PRKAG2: variants seen among roughly 807,000 people sequenced by gnomAD.
The protein encoded by PRKAG2 is protein kinase AMP-activated non-catalytic subunit gamma 2.
A neutral mutation model predicts 69.6 loss-of-function variants in PRKAG2; 26 were observed. The observed-to-expected ratio is 0.37, with a 90% CI of 0.27 to 0.52. The LOEUF is 0.52. Among genes scored for constraint, PRKAG2 ranks in the 20% least tolerant of loss-of-function variants. PRKAG2 has a pLI of 0.90. For missense variants in PRKAG2, 557 were observed against 740.0 expected, an observed-to-expected ratio of 0.75 and a Z score of 2.87; for synonymous variants, 293 against 285.0, an observed-to-expected ratio of 1.03 and a Z score of -0.28.
intron 1 of PRKAG2, among the ~76,000 whole-genome samples, chr7:151,842,613 AGGTAGTGATGATGGTAGCGAT>A (rs2079333687): frequency 8.1e-6 from 1 of 124,094 alleles, no homozygotes; most frequent in Admixed American, 8.1e-5. Context: ...TAGTGATGGT[AGGTAGTGATGATGGTAGCGAT>A]GGTAGGGATG....
Position 151,777,244 on chromosome 7 carries a change from A to G in PRKAG2, c.466+3908T>C, listed in dbSNP as rs1170691574. On this transcript the variant is annotated intron_variant, in intron 3 of 15. Transcript: ENST00000287878. The surrounding 1 kb of genome is among the most constrained non-coding windows in gnomAD (Gnocchi z 4.3). ...ACCCCATGTGGACACCAGCAGAGTCATCCCCAGGCCTGTGCCTGCGTTCCC... is the reference window on the plus strand; with the variant it reads ...ACCCCATGTGGACACCAGCAGAGTCGTCCCCAGGCCTGTGCCTGCGTTCCC... Among the ~76,000 whole-genome samples the G allele has an allele frequency of 1.3e-5, 2 of 152,214 alleles. No homozygotes were observed. Among genetic ancestry groups the G allele is most frequent in the Non-Finnish European group, 2.9e-5 (2 of 68,038 alleles).
chr7:151,620,031 A>C (rs1278380540), intron 5 of PRKAG2, among the ~76,000 whole-genome samples: 1 of 152,024 alleles, frequency 6.6e-6, no homozygotes, highest in Non-Finnish European at 1.5e-5. Flanking sequence ...AAAAATAAAA[A>C]ATAAAAATAA....
chr7:151,833,064 G>A (rs79464303), intron 1 of PRKAG2, among the ~76,000 whole-genome samples: 2,707 of 152,338 alleles, frequency 0.018, 100 homozygotes, highest in African/African-American at 0.061. Flanking sequence ...GACAGACAGC[G>A]TCCATCACGA....
At chr7:151,710,458 A>T (rs1484538202) in intron 3 of PRKAG2, among the ~76,000 whole-genome samples, 1 of 151,976 alleles carries the variant, frequency 6.6e-6, no homozygotes, top group Non-Finnish European at 1.5e-5. Context: ...GGAAGAGAAG[A>T]CCCCGTCACT....
intron 3 of PRKAG2, among the ~76,000 whole-genome samples, chr7:151,759,359 T>C (rs1366154671): frequency 1.3e-5 from 2 of 152,212 alleles, no homozygotes; most frequent in Non-Finnish European, 2.9e-5. Flanking sequence ...TTGACTGTTG[T>C]TCCTCTTGGC....
At chr7:151,668,592 G>A (rs189049410) in intron 4 of PRKAG2, among the ~76,000 whole-genome samples, 3 of 152,310 alleles carry the variant, frequency 2.0e-5, no homozygotes, top group African/African-American at 4.8e-5. Context: ...CTCAGCTGGA[G>A]GTGCATCTCC....
chr7:151,679,902 T>TAA (rs111375601), intron 3 of PRKAG2, among the ~76,000 whole-genome samples: 83 of 146,430 alleles, frequency 5.7e-4, no homozygotes, highest in East Asian at 1.6e-3. Flanking sequence ...CTGTCTCTAT[T>TAA]AAAAAAAAAA....
At chr7:151,682,877 A>G (rs1032973002) in intron 3 of PRKAG2, among the ~76,000 whole-genome samples, 1 of 152,158 alleles carries the variant, frequency 6.6e-6, no homozygotes, top group Non-Finnish European at 1.5e-5. Flanking sequence ...CCGATCCTGG[A>G]GGAGGACACA....
intron 3 of PRKAG2, among the ~76,000 whole-genome samples, chr7:151,714,940 A>G (rs1320670512): frequency 6.6e-6 from 1 of 150,952 alleles, no homozygotes; most frequent in Non-Finnish European, 1.5e-5. Flanking sequence ...ACAGAGCGAG[A>G]CTCCATCTCA....
chr7:151,673,414 G>GCGGTTTTC (rs1832383714), intron 4 of PRKAG2, among the ~76,000 whole-genome samples: 2 of 152,058 alleles, frequency 1.3e-5, no homozygotes, highest in South Asian at 4.2e-4. Flanking sequence ...TATCAGACCA[G>GCGGTTTTC]CGGTTTTCCG....
At chr7:151,575,172 G>T (rs982370813) in intron 7 of PRKAG2, among the ~76,000 whole-genome samples, 2 of 152,068 alleles carry the variant, frequency 1.3e-5, no homozygotes, top group Non-Finnish European at 2.9e-5. Context: ...TAAGTACTAC[G>T]GAACTAACCA....
chr7:151,698,512 G>A (rs150704128), intron 3 of PRKAG2, among the ~76,000 whole-genome samples: 3 of 152,128 alleles, frequency 2.0e-5, no homozygotes, highest in African/African-American at 4.8e-5. Flanking sequence ...ATGAGTTCTC[G>A]CTCTATGAGT....
In PRKAG2 at chr7:151,614,367, T is replaced by C. The variant is rs143843551; in HGVS notation, c.754+17702A>G. On this transcript the variant is annotated intron_variant, in intron 5 of 15. Transcript: ENST00000287878. This position sits in a 1 kb window ranked among gnomAD's most constrained non-coding sequence, Gnocchi z 4.4. The stretch of plus-strand genomic sequence containing the variant: ...CCATGGGGTCGGTTACGTTGGGCGC[T>C]TGGCATGTGCTCTGTACTACTTTAT... Among the ~76,000 whole-genome samples the C allele has an allele frequency of 6.0e-3, 910 of 152,112 alleles. 14 individuals are homozygous for C. The highest frequency in any genetic ancestry group is 0.02 in the African/African-American group (843 of 41,530).
intron 13 of PRKAG2, among the ~76,000 whole-genome samples, chr7:151,564,763 C>T (rs1261405732): frequency 2.7e-5 from 4 of 150,680 alleles, no homozygotes; most frequent in Admixed American, 6.7e-5. Context: ...TTCATTTTAG[C>T]GGGTCCCACT....
intron 4 of PRKAG2, among the ~76,000 whole-genome samples, chr7:151,653,120 A>G (rs1010328307): frequency 6.7e-6 from 1 of 148,690 alleles, no homozygotes; most frequent in Non-Finnish European, 1.5e-5. Flanking sequence ...AACTTTAATC[A>G]TCATAGCAGA....
chr7:151,557,833 T>C (rs6945637), intron 15 of PRKAG2: 525,844 of 850,306 alleles, frequency 0.62, 163,656 homozygotes, highest in East Asian at 0.71. Context: ...GATCATGCCA[T>C]TGCACTCCAG....
chr7:151,709,914 AT>A (rs1008507916), intron 3 of PRKAG2, among the ~76,000 whole-genome samples: 1 of 152,060 alleles, frequency 6.6e-6, no homozygotes, highest in Non-Finnish European at 1.5e-5. Context: ...GACATGTGAT[AT>A]TGTGACACTG....
intron 3 of PRKAG2, among the ~76,000 whole-genome samples, chr7:151,753,792 G>C (rs1233262238): frequency 1.3e-5 from 2 of 151,742 alleles, no homozygotes; most frequent in African/African-American, 4.8e-5. Flanking sequence ...CCAGCACTTT[G>C]GGAGGTCAAG....
intron 14 of PRKAG2, among the ~76,000 whole-genome samples, chr7:151,563,623 A>G (rs1028380735): frequency 6.6e-6 from 1 of 152,230 alleles, no homozygotes; most frequent in East Asian, 1.9e-4. Context: ...TCTGCTGTCG[A>G]GACTGGAGTG....
Sources: allele counts gnomAD v4.1 joint callset (sites outside exome capture counted in the v4.1 genomes callset), GRCh38; gene constraint gnomAD v4.1.1; non-coding constraint Gnocchi (gnomAD v3.1); transcripts MANE v1.5; gene names NCBI Gene and HGNC (gene_info 2026-07-23, HGNC 2026-07-21).